Variants in CSMD2 observed in about 807,000 individuals in gnomAD.
CSMD2 encodes the protein CUB and Sushi multiple domains 2, also known as CUB and sushi domain-containing protein 2.
A neutral mutation model predicts 398.5 loss-of-function variants in CSMD2; 130 were observed. The ratio of observed to expected loss-of-function variants is 0.33; its 90% CI spans 0.28 to 0.38. The LOEUF (loss-of-function observed/expected upper bound fraction) is 0.38. Ranked by LOEUF, CSMD2 falls within the 10% of genes least tolerant of loss-of-function variation. CSMD2 has a pLI of 1.00. For synonymous variants in CSMD2, 1,828 were observed against 1,908.5 expected, an observed-to-expected ratio of 0.96 and a Z score of 1.10; for missense variants, 3,829 against 4,764.9, an observed-to-expected ratio of 0.80 and a Z score of 5.78.
Position 33,537,099 on chromosome 1 carries a change from G to A in CSMD2, c.9806-4C>T. The A allele has an allele frequency of 6.2e-7, 1 of 1,614,136 alleles. No homozygotes were observed. Among genetic ancestry groups the A allele is most frequent in the South Asian group, 1.1e-5 (1 of 91,076 alleles). On this transcript the variant is annotated splice_polypyrimidine_tract_variant and splice_region_variant and intron_variant, in intron 61 of 70. Transcript: ENST00000373381. This position sits in a 1 kb window ranked among gnomAD's most constrained non-coding sequence, Gnocchi z 4.6. The stretch of plus-strand genomic sequence containing the variant: ...GCACACGTGGTCAGGGTCGGATCTG[G>A]ATGGCCAAAACAAAGACACAGATCA...
intron 3 of CSMD2, among the ~76,000 whole-genome samples, chr1:34,021,692 T>A (rs1206165367): frequency 6.6e-6 from 1 of 151,996 alleles, no homozygotes; most frequent in South Asian, 2.1e-4. Context: ...TGAGAAGTAA[T>A]GAGACTTGGA....
chr1:33,598,286 AG>A (rs1639971730), intron 44 of CSMD2, among the ~76,000 whole-genome samples: 2 of 152,204 alleles, frequency 1.3e-5, no homozygotes, highest in African/African-American at 2.4e-5. Flanking sequence ...AAGTTCTATG[AG>A]GCATGGAATG....
intron 66 of CSMD2, among the ~76,000 whole-genome samples, 174 bp downstream of exon 66, chr1:33,524,708 C>T (rs199627966): frequency 6.6e-6 from 1 of 152,086 alleles, no homozygotes; most frequent in South Asian, 2.1e-4. Flanking sequence ...TAAACATTTC[C>T]CTTTAGTCCA....
chr1:33,931,797 G>A (rs1644321901), intron 4 of CSMD2, among the ~76,000 whole-genome samples: 1 of 152,210 alleles, frequency 6.6e-6, no homozygotes, highest in South Asian at 2.1e-4. Flanking sequence ...CAGTGATGAA[G>A]AGCCACTAAG....
chr1:33,732,174 C>T (rs1449558372), intron 15 of CSMD2, among the ~76,000 whole-genome samples: 2 of 152,168 alleles, frequency 1.3e-5, no homozygotes, highest in African/African-American at 4.8e-5. Flanking sequence ...GAAGGATCCT[C>T]TCTTGAACAG....
intron 1 of CSMD2, among the ~76,000 whole-genome samples, chr1:34,136,821 T>C (rs1372821049): frequency 6.6e-6 from 1 of 152,220 alleles, no homozygotes; most frequent in Non-Finnish European, 1.5e-5. Flanking sequence ...ATATGTCTAC[T>C]CATCCCATGA....
chr1:33,877,971 C>T (rs1640956987), intron 5 of CSMD2, among the ~76,000 whole-genome samples: 1 of 152,004 alleles, frequency 6.6e-6, no homozygotes, highest in South Asian at 2.1e-4. Context: ...CAATCAGATT[C>T]TCTCTCTTGA....
intron 4 of CSMD2, among the ~76,000 whole-genome samples, chr1:33,925,973 G>A (rs2125304455): frequency 6.6e-6 from 1 of 152,184 alleles, no homozygotes; most frequent in South Asian, 2.1e-4. Context: ...CGATCCAAGT[G>A]CTGCTTCCTC....
At chr1:33,522,722 C>T (rs750021541) in intron 67 of CSMD2, among the ~76,000 whole-genome samples, 2 of 152,148 alleles carry the variant, frequency 1.3e-5, no homozygotes, top group Non-Finnish European at 2.9e-5. Flanking sequence ...AAGTGGAGGA[C>T]GTGGTAGGGG....
At chr1:33,739,027 G>T (rs1646971019) in intron 15 of CSMD2, 113 bp downstream of exon 15, 4 of 1,001,776 alleles carry the variant, frequency 4.0e-6, no homozygotes, top group Non-Finnish European at 5.8e-6. Flanking sequence ...TTCGTTCTGG[G>T]AGAAGAGGAA....
chr1:33,838,876 A>G (rs1543464), intron 6 of CSMD2: 120,979 of 152,762 alleles, frequency 0.79, 48,903 homozygotes, highest in African/African-American at 0.94. Flanking sequence ...GGCATGCTCC[A>G]TCACCATGGA....
In CSMD2 at chr1:33,739,228, G is replaced by C. The variant is rs370248080; in HGVS notation, c.2280C>G (p.Gly760=). The change falls in exon 15 of 71, where the codon GGC becomes GGG. Residue 760 remains glycine (G), a synonymous_variant. Transcript: ENST00000373381. ...TCTCTGAGCCCTGAGTCCCAAGGAAGCCTTCATCACAGAGGAAGGAGATGG... is the reference window on the plus strand; with the variant it reads ...TCTCTGAGCCCTGAGTCCCAAGGAACCCTTCATCACAGAGGAAGGAGATGG... ...GSSISFLCDE[G]FLGTQGSETI... 6 of 1,614,226 alleles carry C rather than the reference G, an allele frequency of 3.7e-6. No homozygotes were observed. In the East Asian group the frequency reaches 1.3e-4, roughly 36 times the overall value.
intron 1 of CSMD2, among the ~76,000 whole-genome samples, chr1:34,093,636 T>C (rs1490889784): frequency 9.9e-5 from 15 of 151,638 alleles, no homozygotes; most frequent in African/African-American, 2.9e-4. Flanking sequence ...GCCGATGCGA[T>C]CAACTGGAAG....
chr1:33,564,153 TCTAA>T (rs1658832839), intron 53 of CSMD2, among the ~76,000 whole-genome samples: 1 of 152,154 alleles, frequency 6.6e-6, no homozygotes, highest in South Asian at 2.1e-4. Flanking sequence ...CAGACACCGG[TCTAA>T]CTATCTTATG....
At position 33,703,149 on chromosome 1, in the gene CSMD2, C is replaced by T. The variant is rs185006903; in HGVS notation, c.3577-2476G>A. Among the ~76,000 whole-genome samples the T allele has an allele frequency of 6.9e-4, 105 of 152,166 alleles. 1 individual carries two copies. The highest frequency in any genetic ancestry group is 2.0e-3 in the African/African-American group (84 of 41,550). On this transcript the variant is annotated intron_variant, in intron 22 of 70. Coordinates refer to ENST00000373381, the MANE Select transcript of CSMD2 (RefSeq NM_001281956.2). ...AAAGTCCTCATTTGTCTTCTTTTAA[C>T]TTAAACAAAATTCTCCCAGATGTAC...
chr1:33,583,143 A>G (rs433546), intron 47 of CSMD2, among the ~76,000 whole-genome samples: 1 of 152,244 alleles, frequency 6.6e-6, no homozygotes, highest in East Asian at 1.9e-4. Context: ...TGGCAAGATG[A>G]CTTTTCAAGA....
At chr1:33,935,719 G>A in intron 4 of CSMD2, 41 bp downstream of exon 4, 2 of 1,545,610 alleles carry the variant, frequency 1.3e-6, no homozygotes. Context: ...TCACCTCCCA[G>A]CCACTGCCCC....
chr1:33,658,931 G>T (rs1644036497), intron 26 of CSMD2, among the ~76,000 whole-genome samples: 1 of 152,176 alleles, frequency 6.6e-6, no homozygotes, highest in Non-Finnish European at 1.5e-5. Context: ...TTGCGAGTTG[G>T]CCTGCCTAAA....
At chr1:34,159,327 T>G (rs1641093504) in intron 1 of CSMD2, among the ~76,000 whole-genome samples, 1 of 75,622 alleles carries the variant, frequency 1.3e-5, no homozygotes. Context: ...CTTTACAGCC[T>G]GCCCCCCCCC....
Sources: gnomAD v4.1 joint callset for allele counts (sites outside exome capture counted in the v4.1 genomes callset) on GRCh38, gnomAD v4.1.1 for gene constraint, Gnocchi (gnomAD v3.1) non-coding constraint, MANE v1.5 for transcripts, NCBI Gene and HGNC (gene_info 2026-07-23, HGNC 2026-07-21) for gene names.